The following DLG2 variants were observed in gnomAD, a reference collection of about 807,000 sequenced individuals.
DLG2 encodes discs large MAGUK scaffold protein 2, also known as disks large homolog 2.
A neutral mutation model predicts 132.5 loss-of-function variants in DLG2; 45 were observed. The observed-to-expected ratio is 0.34, with a 90% CI of 0.27 to 0.44. DLG2 has a LOEUF of 0.44. DLG2 is among the 20% of genes least tolerant of loss of function. The pLI is 1.00. For synonymous variants in DLG2, 424 were observed against 419.6 expected, an observed-to-expected ratio of 1.01 and a Z score of -0.13; for missense variants, 1,045 against 1,196.9, an observed-to-expected ratio of 0.87 and a Z score of 1.87.
At chr11:85,414,912 C>A (rs116170352) in intron 3 of DLG2, among the ~76,000 whole-genome samples, 79 of 152,168 alleles carry the variant, frequency 5.2e-4, no homozygotes, top group African/African-American at 1.8e-3. Flanking sequence ...GCAGAACGTG[C>A]AGATTTTTTA....
chr11:85,264,287 G>C (rs374105455), intron 4 of DLG2, among the ~76,000 whole-genome samples: 4 of 152,280 alleles, frequency 2.6e-5, no homozygotes, highest in African/African-American at 7.2e-5. Flanking sequence ...TTGGCCCTTA[G>C]AAACAAAGCA....
intron 18 of DLG2, among the ~76,000 whole-genome samples, chr11:83,665,828 T>C (rs2075405619): frequency 6.6e-6 from 1 of 152,006 alleles, no homozygotes; most frequent in Admixed American, 6.6e-5. Flanking sequence ...TGCGTTACAA[T>C]AGGAGCATGA....
intron 18 of DLG2, among the ~76,000 whole-genome samples, chr11:83,772,585 A>AAG (rs1302017459): frequency 2.6e-5 from 4 of 151,694 alleles, no homozygotes; most frequent in African/African-American, 7.3e-5. Flanking sequence ...AAAGAAAGAA[A>AAG]AGAGAGAGAG....
At chr11:84,991,523 A>AAAAAAAAAAG (rs1555331856) in intron 6 of DLG2, among the ~76,000 whole-genome samples, 1 of 116,326 alleles carries the variant, frequency 8.6e-6, no homozygotes, top group Admixed American at 9.4e-5. Context: ...AAAAAAAAAA[A>AAAAAAAAAAG]AAAGAAAGAA....
intron 11 of DLG2, among the ~76,000 whole-genome samples, chr11:83,992,190 C>T (rs1005937371): frequency 2.6e-5 from 4 of 152,146 alleles, no homozygotes; most frequent in Non-Finnish European, 5.9e-5. Context: ...CTGATGACTA[C>T]TTATGTGTCA....
At chr11:85,127,628 AAATG>A (rs1202477810) in intron 5 of DLG2, among the ~76,000 whole-genome samples, 6 of 152,180 alleles carry the variant, frequency 3.9e-5, no homozygotes, top group Admixed American at 3.9e-4. Flanking sequence ...TAGATTAATA[AAATG>A]AATGAATAAA....
At chr11:84,610,517 A>G (rs76577950) in intron 6 of DLG2, among the ~76,000 whole-genome samples, 17,665 of 152,110 alleles carry the variant, frequency 0.12, 1,030 homozygotes, top group South Asian at 0.2. Context: ...GTGGATTGGT[A>G]GGTCCTATCC....
intron 9 of DLG2, among the ~76,000 whole-genome samples, chr11:84,137,930 A>G (rs2094672787): frequency 6.6e-6 from 1 of 152,226 alleles, no homozygotes; most frequent in Admixed American, 6.5e-5. Context: ...ACATCCCCTT[A>G]GAAACCAGAG....
At chr11:85,120,735 G>A (rs2074204736) in intron 5 of DLG2, among the ~76,000 whole-genome samples, 1 of 151,900 alleles carries the variant, frequency 6.6e-6, no homozygotes, top group South Asian at 2.1e-4. Flanking sequence ...CAAAATTCTT[G>A]CTGGCATAGA....
chr11:84,634,196 T>C lies in DLG2; in HGVS notation c.358-99465A>G, dbSNP rs190875061. The stretch of plus-strand genomic sequence containing the variant: ...TCTGTATTGTCTTCAATCAGCCCCT[T>C]CATCTCCCTGATTCTCAGTCTTTTC... On this transcript the variant is annotated intron_variant, in intron 6 of 27. Transcript: ENST00000376104. Among the ~76,000 whole-genome samples the C allele has an allele frequency of 2.1e-3, 324 of 152,262 alleles. 1 individual carries two copies. The highest frequency in any genetic ancestry group is 7.6e-3 in the African/African-American group (316 of 41,542).
chr11:84,013,413 T>C (rs142442058), intron 11 of DLG2, among the ~76,000 whole-genome samples: 110 of 152,280 alleles, frequency 7.2e-4, no homozygotes, highest in African/African-American at 2.4e-3. Context: ...GAAAAATAAA[T>C]AACTGCAGCA....
chr11:85,024,264 C>G (rs920697084), intron 6 of DLG2, among the ~76,000 whole-genome samples: 3 of 152,140 alleles, frequency 2.0e-5, no homozygotes, highest in African/African-American at 7.2e-5. Flanking sequence ...CCAAGCAACC[C>G]AAGAACCAGG....
chr11:85,352,712 A>G (rs1461961469), intron 3 of DLG2, among the ~76,000 whole-genome samples: 4 of 152,122 alleles, frequency 2.6e-5, no homozygotes, highest in African/African-American at 9.7e-5. Flanking sequence ...TCTTTGACAA[A>G]CCTGACAAAA....
chr11:85,204,457 C>T (rs1280873075), intron 4 of DLG2, among the ~76,000 whole-genome samples: 1 of 151,876 alleles, frequency 6.6e-6, no homozygotes, highest in Non-Finnish European at 1.5e-5. Context: ...AATTAAAATA[C>T]CTAGAAATAA....
chr11:84,714,365 C>A (rs1039391337), intron 6 of DLG2, among the ~76,000 whole-genome samples: 1 of 152,044 alleles, frequency 6.6e-6, no homozygotes, highest in Non-Finnish European at 1.5e-5. Flanking sequence ...AAAACTACTT[C>A]TCTGCCACAG....
At chr11:84,709,349 C>T (rs968569415) in intron 6 of DLG2, among the ~76,000 whole-genome samples, 1 of 151,784 alleles carries the variant, frequency 6.6e-6, no homozygotes, top group African/African-American at 2.4e-5. Flanking sequence ...TTATTTCATA[C>T]TATGTTAATG....
chr11:84,415,272 T>C (rs1015059356), intron 7 of DLG2, among the ~76,000 whole-genome samples: 6 of 152,186 alleles, frequency 3.9e-5, no homozygotes, highest in Admixed American at 3.3e-4. Flanking sequence ...CACCTGCTAA[T>C]TTTCCTAGAA....
At chr11:84,569,256 C>G (rs575671827) in intron 6 of DLG2, among the ~76,000 whole-genome samples, 20 of 152,234 alleles carry the variant, frequency 1.3e-4, no homozygotes, top group African/African-American at 4.8e-4. Context: ...CTAGCCCTGC[C>G]AAAGAACCCC....
chr11:83,588,142 G>A (rs1212496559), intron 19 of DLG2, among the ~76,000 whole-genome samples: 1 of 152,200 alleles, frequency 6.6e-6, no homozygotes, highest in East Asian at 1.9e-4. Context: ...ACAGCTCAAG[G>A]AGGCCTGCCT....
Sources: gnomAD v4.1 joint callset for allele counts (sites outside exome capture counted in the v4.1 genomes callset) on GRCh38, gnomAD v4.1.1 for gene constraint, MANE v1.5 for transcripts, NCBI Gene and HGNC (gene_info 2026-07-23, HGNC 2026-07-21) for gene names.